GALNT15: variants seen among roughly 807,000 people sequenced by gnomAD.
GALNT15 encodes the protein UDP-GalNAc transferase T15.
GALNT15 carries 67 observed loss-of-function variants against 66.8 expected under a neutral mutation model. The ratio of observed to expected loss-of-function variants is 1.00; its 90% CI spans 0.82 to 1.23. GALNT15 has a LOEUF of 1.23. Ranked by LOEUF, GALNT15 falls within the 50% of genes most tolerant of loss-of-function variation. The pLI is 0.00. For missense variants in GALNT15, 827 were observed against 804.3 expected (o/e 1.03, Z -0.34); for synonymous variants, 313 against 311.5 (o/e 1.00, Z -0.05).
chr3:16,232,303 C>A (rs928031520), downstream of GALNT15, among the ~76,000 whole-genome samples: 1 of 151,302 alleles, frequency 6.6e-6, no homozygotes, highest in African/African-American at 2.4e-5. Flanking sequence ...TGTTGGCTCA[C>A]GCCTTTAATC....
Position 16,200,920 on chromosome 3 carries a change from G to T in GALNT15, c.911+97G>T. 1 of 891,772 alleles carries T rather than the reference G, an allele frequency of 1.1e-6. No homozygotes were observed. Among genetic ancestry groups the T allele is most frequent in the South Asian group, 1.9e-5 (1 of 53,490 alleles). 55.2% of individuals were successfully genotyped at this position (891,772 alleles called of 1,614,324 possible). On this transcript the variant is annotated intron_variant, in intron 3 of 9. Coordinates refer to ENST00000339732, the MANE Select transcript of GALNT15 (RefSeq NM_054110.5). This position sits in a 1 kb window ranked among gnomAD's most constrained non-coding sequence, Gnocchi z 4.4. ...CAGAGCAACCCACCTATTAATTCCT[G>T]AATCTCCATTAGAGAGTGATATATT...
downstream of GALNT15, among the ~76,000 whole-genome samples, chr3:16,233,111 T>TTTTTTTTTTTTTTTTTTTTTTTTTTTTTC (rs1219622222): frequency 7.3e-6 from 1 of 136,756 alleles, no homozygotes; most frequent in Non-Finnish European, 1.6e-5. Flanking sequence ...TTTTTTTTTT[T>TTTTTTTTTTTTTTTTTTTTTTTTTTTTTC]TTGAAACGGA....
At chr3:16,214,735 A>AG (rs952519865) in intron 6 of GALNT15, among the ~76,000 whole-genome samples, 3 of 152,102 alleles carry the variant, frequency 2.0e-5, no homozygotes, top group Non-Finnish European at 4.4e-5. Context: ...ACATCTTTTC[A>AG]GGGGAGGTCA....
rs528439311 is a variant in GALNT15, at chr3:16,176,898, TCTC to T, written c.539+1211_539+1213del. Among the ~76,000 whole-genome samples, 4 of 152,054 alleles carry T rather than the reference TCTC, an allele frequency of 2.6e-5. No individual in the cohort carries two copies. Among genetic ancestry groups the T allele is most frequent in the African/African-American group, 4.8e-5 (2 of 41,376 alleles). On this transcript the variant is annotated intron_variant, in intron 1 of 9. Coordinates refer to ENST00000339732, the MANE Select transcript of GALNT15 (RefSeq NM_054110.5). The surrounding 1 kb of genome is among the most constrained non-coding windows in gnomAD (Gnocchi z 5.6). ...CAGGGTCAGCAGCCGGGAGTGAACA[TCTC>T]CTTAAATTGTGTGCCCCGGGTGCCT...
downstream of GALNT15, among the ~76,000 whole-genome samples, chr3:16,233,280 C>A (rs2470505): frequency 0.76 from 113,682 of 150,360 alleles, 43,271 homozygotes; most frequent in African/African-American, 0.84. Flanking sequence ...TTTTTAGTGG[C>A]GATGGGGTTT....
intron 8 of GALNT15, among the ~76,000 whole-genome samples, chr3:16,221,439 A>C (rs1374108617): frequency 1.3e-5 from 2 of 152,160 alleles, no homozygotes; most frequent in Admixed American, 1.3e-4. Flanking sequence ...GGGTCAAAAA[A>C]CAAGAGGCAA....
rs1420408952 is a variant in GALNT15 at position 16,219,624 on chromosome 3, C to T, written c.1524+90C>T. ...TCAGCTCTTCCATGTCCCTGGTCAA[C>T]CATTCACGGTTTAGCAGGGCCTCAG... On this transcript the variant is annotated intron_variant, in intron 7 of 9. Transcript: ENST00000339732. The surrounding 1 kb of genome is among the most constrained non-coding windows in gnomAD (Gnocchi z 4.3). 4.9e-5 allele frequency: 76 copies of T among 1,539,130 alleles called. No individual in the cohort carries two copies. The highest frequency in any genetic ancestry group is 6.5e-5 in the Non-Finnish European group (74 of 1,132,372).
rs1033682671 is a variant in GALNT15 at position 16,228,131 on chromosome 3, A to T, written c.*631A>T. On this transcript the variant is annotated 3_prime_UTR_variant, in exon 10 of 10. Transcript: ENST00000339732. Reference sequence around the variant, plus strand: ...GCAGCTGAAAAGCTTCAAGAGATCTAGGAAAAGACATTTTCATGTTAATGA... The same window carrying T: ...GCAGCTGAAAAGCTTCAAGAGATCTTGGAAAAGACATTTTCATGTTAATGA... The T allele has an allele frequency of 1.0e-6, 1 of 985,918 alleles. No individual in the cohort carries two copies. The highest frequency in any genetic ancestry group is 1.7e-5 in the African/African-American group (1 of 57,244). The allele number at this position is 985,918 out of a possible 1,614,324, so 61.1% of individuals were successfully genotyped here.
At chr3:16,223,070 T>C (rs1158766066) in intron 9 of GALNT15, among the ~76,000 whole-genome samples, 1 of 152,186 alleles carries the variant, frequency 6.6e-6, no homozygotes, top group Non-Finnish European at 1.5e-5. Flanking sequence ...TGGTGAGGCA[T>C]GTTACAAGGA....
In GALNT15 at chr3:16,193,546, C is replaced by T. The variant is rs2063602275; in HGVS notation, c.540-2214C>T. Among the ~76,000 whole-genome samples the T allele has an allele frequency of 6.6e-6, 1 of 152,092 alleles. No individual in the cohort carries two copies. The highest frequency in any genetic ancestry group is 2.4e-5 in the African/African-American group (1 of 41,408). Reference sequence around the variant, plus strand: ...ATTTAGGAATTCTGCTTACCATTACCTAGACTCAATTCTCCCTCTCTACAC... The same window carrying T: ...ATTTAGGAATTCTGCTTACCATTACTTAGACTCAATTCTCCCTCTCTACAC... On this transcript the variant is annotated intron_variant, in intron 1 of 9. Coordinates refer to ENST00000339732, the MANE Select transcript of GALNT15 (RefSeq NM_054110.5). The surrounding 1 kb of genome is among the most constrained non-coding windows in gnomAD (Gnocchi z 4.7).
chr3:16,194,712 C>T (rs562071209), intron 1 of GALNT15, among the ~76,000 whole-genome samples: 1 of 152,314 alleles, frequency 6.6e-6, no homozygotes, highest in Admixed American at 6.5e-5. Flanking sequence ...ACATTATCCT[C>T]AGCAAATGAA....
rs187834292 is a variant in GALNT15 at position 16,224,730 on chromosome 3, G to A, written c.1773+1972G>A. 1.3e-5 allele frequency among the ~76,000 whole-genome samples: 2 copies of A among 151,340 alleles called. No homozygotes were observed. The highest frequency in any genetic ancestry group is 6.6e-5 in the Admixed American group (1 of 15,186). ...CGGCTCACTGCAACCTCTGCCTCCCGGGTTCAAGCGATTCTCCTGCCTCAG... is the reference window on the plus strand; with the variant it reads ...CGGCTCACTGCAACCTCTGCCTCCCAGGTTCAAGCGATTCTCCTGCCTCAG... On this transcript the variant is annotated intron_variant, in intron 9 of 9. Transcript: ENST00000339732. This position sits in a 1 kb window ranked among gnomAD's most constrained non-coding sequence, Gnocchi z 5.2.
chr3:16,235,499 G>A (rs976755235), downstream of GALNT15, among the ~76,000 whole-genome samples: 20 of 152,200 alleles, frequency 1.3e-4, no homozygotes, highest in African/African-American at 4.3e-4. Context: ...ATGATAAAGC[G>A]AGGGAGATTC....
At chr3:16,220,038 T>C in intron 8 of GALNT15, 24 bp downstream of exon 8, 1 of 1,555,236 alleles carries the variant, frequency 6.4e-7, no homozygotes, top group Non-Finnish European at 8.9e-7. Context: ...CTTCTCAGGA[T>C]GGATGATAGC....
chr3:16,213,987 G>C (rs757101331), intron 6 of GALNT15, among the ~76,000 whole-genome samples: 2 of 152,214 alleles, frequency 1.3e-5, no homozygotes, highest in African/African-American at 2.4e-5. Context: ...GCTGGGGAGA[G>C]TGTTAACAGT....
chr3:16,246,062 C>G, the GALNT15 span, among the ~76,000 whole-genome samples: 2 of 152,140 alleles, frequency 1.3e-5, no homozygotes, highest in Non-Finnish European at 2.9e-5. Context: ...ATGGACCTTG[C>G]TTTTTCAAGA....
At position 16,183,608 on chromosome 3, in the gene GALNT15, G is replaced by A. The variant is rs917920814; in HGVS notation, c.539+7918G>A. 6.6e-6 allele frequency among the ~76,000 whole-genome samples: 1 copy of A among 152,196 alleles called. No individual in the cohort carries two copies. The highest frequency in any genetic ancestry group is 6.5e-5 in the Admixed American group (1 of 15,282). On this transcript the variant is annotated intron_variant, in intron 1 of 9. Coordinates refer to ENST00000339732, the MANE Select transcript of GALNT15 (RefSeq NM_054110.5). The surrounding 1 kb of genome is among the most constrained non-coding windows in gnomAD (Gnocchi z 5.2). ...CCAGCCCCAACCCCAAGAAGCTTGGGGTGCACTGGGGGATGCAGACAAGCA... is the reference window on the plus strand; with the variant it reads ...CCAGCCCCAACCCCAAGAAGCTTGGAGTGCACTGGGGGATGCAGACAAGCA...
intron 1 of GALNT15, among the ~76,000 whole-genome samples, chr3:16,192,469 G>GT (rs200091869): frequency 2.3e-4 from 35 of 149,892 alleles, no homozygotes; most frequent in East Asian, 1.8e-3. Flanking sequence ...ATAGTTTAGG[G>GT]TTTTTTTTTT....
In GALNT15 at chr3:16,175,668, C is replaced by G. The variant is rs551260568; in HGVS notation, c.517C>G (p.Leu173Val). 5.6e-6 allele frequency: 9 copies of G among 1,601,654 alleles called. No homozygotes were observed. The South Asian group carries it at 1.0e-4, about 18-fold the overall frequency. Residue 173 changes from leucine to valine, a missense_variant, in exon 1 of 10, where the codon CTG (leucine) becomes GTG (valine). By Grantham distance (32) the Leu-to-Val change is conservative (BLOSUM62 1). Coordinates refer to ENST00000339732, the MANE Select transcript of GALNT15 (RefSeq NM_054110.5). The surrounding 1 kb of genome is among the most constrained non-coding windows in gnomAD (Gnocchi z 5.6). ...TGCCCGCATCCCCCTCCAGAGGGCT[C>G]TGCCCGAGGTGCGGCACCCACTGTA... is the stretch of plus-strand genomic sequence containing the variant. ...LSARIPLQRA[L>V]PEVRHPLCLQ...
Sources: gnomAD v4.1 joint callset for allele counts (sites outside exome capture counted in the v4.1 genomes callset) on GRCh38, gnomAD v4.1.1 for gene constraint, Gnocchi (gnomAD v3.1) non-coding constraint, MANE v1.5 for transcripts, NCBI Gene and HGNC (gene_info 2026-07-23, HGNC 2026-07-21) for gene names.